The following MIR2052HG variants were observed in gnomAD, a reference collection of about 807,000 sequenced individuals.
The protein encoded by MIR2052HG is MIR2052 host gene.
At chr8:74,689,965 A>G (rs1443813245) in intron 2 of MIR2052HG, among the ~76,000 whole-genome samples, 1 of 152,190 alleles carries the variant, frequency 6.6e-6, no homozygotes, top group Non-Finnish European at 1.5e-5. Flanking sequence ...GACATGTAAG[A>G]ACCAGAGATA....
chr8:74,637,255 C>G (rs541417893), intron 2 of MIR2052HG, among the ~76,000 whole-genome samples: 1 of 152,184 alleles, frequency 6.6e-6, no homozygotes, highest in East Asian at 1.9e-4. Context: ...TCCGTAGACC[C>G]AAGTGGCTGG....
At chr8:74,721,993 G>T (rs1430095503) in intron 4 of MIR2052HG, among the ~76,000 whole-genome samples, 1 of 152,152 alleles carries the variant, frequency 6.6e-6, no homozygotes, top group Admixed American at 6.5e-5. Flanking sequence ...AGGAGTTCAA[G>T]AAAACTCTGG....
At chr8:74,644,567 T>C (rs1014695225) in intron 2 of MIR2052HG, among the ~76,000 whole-genome samples, 2 of 152,106 alleles carry the variant, frequency 1.3e-5, no homozygotes, top group African/African-American at 4.8e-5. Context: ...AGTTTTTTTT[T>C]CCTTTTGTGA....
chr8:74,694,781 T>C (rs529057383), intron 2 of MIR2052HG, among the ~76,000 whole-genome samples: 9 of 151,996 alleles, frequency 5.9e-5, no homozygotes, highest in Non-Finnish European at 1.0e-4. Flanking sequence ...TAACCCAATC[T>C]GACAAAGGCA....
intron 2 of MIR2052HG, among the ~76,000 whole-genome samples, chr8:74,679,567 C>G (rs1809096978): frequency 6.9e-6 from 1 of 145,634 alleles, no homozygotes; most frequent in African/African-American, 2.5e-5. Flanking sequence ...TTATTATTGC[C>G]CAGGCTTGAG....
At chr8:74,732,026 T>C (rs1398238379) in intron 4 of MIR2052HG, among the ~76,000 whole-genome samples, 3 of 152,140 alleles carry the variant, frequency 2.0e-5, no homozygotes, top group African/African-American at 7.2e-5. Context: ...AAAGCTGAAT[T>C]ACATGGTTTA....
intron 4 of MIR2052HG, among the ~76,000 whole-genome samples, chr8:74,713,257 A>T (rs915211488): frequency 6.6e-6 from 1 of 152,120 alleles, no homozygotes; most frequent in African/African-American, 2.4e-5. Context: ...GAATTTGTTC[A>T]CTCTCTCAAT....
chr8:74,723,792 T>A (rs905384439), intron 4 of MIR2052HG, among the ~76,000 whole-genome samples: 2 of 152,232 alleles, frequency 1.3e-5, no homozygotes, highest in African/African-American at 4.8e-5. Flanking sequence ...CAGTTCTTCA[T>A]GTAAGTCAAA....
chr8:74,752,615 C>G, intron 5 of MIR2052HG: 1 of 375,576 alleles, frequency 2.7e-6, no homozygotes, highest in Non-Finnish European at 5.2e-6. Flanking sequence ...CTTAGCCATT[C>G]AAGAAGCATT....
chr8:74,732,676 T>C (rs946097413), intron 4 of MIR2052HG, among the ~76,000 whole-genome samples: 1 of 152,150 alleles, frequency 6.6e-6, no homozygotes, highest in African/African-American at 2.4e-5. Context: ...AATATAGAAC[T>C]CTCTCTGAGT....
At chr8:74,616,652 G>C (rs539234809) in intron 2 of MIR2052HG, among the ~76,000 whole-genome samples, 7 of 151,934 alleles carry the variant, frequency 4.6e-5, no homozygotes, top group Non-Finnish European at 5.9e-5. Context: ...AGGCACTATG[G>C]ATATGTGGTG....
chr8:74,646,349 A>G (rs1418545260), intron 2 of MIR2052HG, among the ~76,000 whole-genome samples: 1 of 152,218 alleles, frequency 6.6e-6, no homozygotes, highest in African/African-American at 2.4e-5. Context: ...AAAGTAGAGA[A>G]AACAGGAAAG....
At chr8:74,603,342 T>C (rs1808053864) in intron 1 of MIR2052HG, 2 of 1,610,350 alleles carry the variant, frequency 1.2e-6, no homozygotes, top group Admixed American at 1.7e-5. Context: ...TGATTAGATA[T>C]TGAGCCAGGC....
chr8:74,688,751 C>T (rs533242206), intron 2 of MIR2052HG, among the ~76,000 whole-genome samples: 1 of 152,206 alleles, frequency 6.6e-6, no homozygotes, highest in South Asian at 2.1e-4. Flanking sequence ...GATTTTGGTG[C>T]ACCCATTACC....
At chr8:74,600,177 T>C (rs1367378761) in intron 1 of MIR2052HG, among the ~76,000 whole-genome samples, 1 of 152,122 alleles carries the variant, frequency 6.6e-6, no homozygotes, top group Non-Finnish European at 1.5e-5. Context: ...AATGCAGAAA[T>C]CACCCTTCTT....
chr8:74,733,832 G>C (rs1400478759), intron 4 of MIR2052HG, among the ~76,000 whole-genome samples: 2 of 150,684 alleles, frequency 1.3e-5, no homozygotes, highest in African/African-American at 4.9e-5. Flanking sequence ...CTGATGGCCA[G>C]TGATGGTGAG....
intron 4 of MIR2052HG, among the ~76,000 whole-genome samples, chr8:74,740,932 G>A (rs970315615): frequency 2.0e-5 from 3 of 152,140 alleles, no homozygotes; most frequent in Non-Finnish European, 4.4e-5. Context: ...ATTACAGAAC[G>A]TTCTCAATAT....
At chr8:74,693,727 C>T (rs907670071) in intron 2 of MIR2052HG, among the ~76,000 whole-genome samples, 1 of 151,900 alleles carries the variant, frequency 6.6e-6, no homozygotes. Flanking sequence ...TATGACACAG[C>T]GAGGGTGTCA....
chr8:74,710,904 T>G (rs192380278), intron 4 of MIR2052HG, among the ~76,000 whole-genome samples: 12 of 152,206 alleles, frequency 7.9e-5, no homozygotes, highest in Admixed American at 3.3e-4. Context: ...CAAGTTATTG[T>G]TAGTGCTGGG....
Sources: allele counts gnomAD v4.1 joint callset (sites outside exome capture counted in the v4.1 genomes callset), GRCh38; gene constraint gnomAD v4.1.1; transcripts MANE v1.5; gene names NCBI Gene and HGNC (gene_info 2026-07-23, HGNC 2026-07-21).